NCR1: variants seen among roughly 807,000 people sequenced by gnomAD.
NCR1 encodes the protein NK cell-activating receptor.
NCR1 carries 30 observed loss-of-function variants against 32.5 expected under a neutral mutation model. The ratio of observed to expected loss-of-function variants is 0.92; its 90% CI spans 0.69 to 1.25. The LOEUF is 1.25. Ranked by LOEUF, NCR1 falls within the 50% of genes most tolerant of loss-of-function variation. The probability of loss-of-function intolerance (pLI) is 0.00; values close to 1 mark genes in which losing one functional copy is unlikely to be tolerated. For missense variants in NCR1, 369 were observed against 380.7 expected (o/e 0.97, Z 0.26); for synonymous variants, 169 against 143.4 (o/e 1.18, Z -1.28).
chr19:54,933,852 C>G, the NCR1 span: 1 of 922,082 alleles, frequency 1.1e-6, no homozygotes, highest in Non-Finnish European at 1.8e-6. Flanking sequence ...TGTTCATCCC[C>G]TGCCCTCTGT....
intron 5 of NCR1, among the ~76,000 whole-genome samples, 187 bp downstream of exon 5, chr19:54,910,252 A>G (rs587768679): frequency 6.6e-6 from 1 of 152,228 alleles, no homozygotes; most frequent in Admixed American, 6.5e-5. Flanking sequence ...CCTGGCCAAC[A>G]TGGCGAAACC....
the NCR1 span, chr19:54,927,894 C>T: frequency 1.2e-6 from 1 of 842,282 alleles, no homozygotes; most frequent in Non-Finnish European, 2.0e-6. Context: ...GTGTTCGAGA[C>T]CAGCCTTGCC....
At chr19:54,918,385 T>C (rs2068177332), downstream of NCR1, among the ~76,000 whole-genome samples, 2 of 152,012 alleles carry the variant, frequency 1.3e-5, no homozygotes, top group African/African-American at 4.8e-5. Context: ...TCTCCCACCT[T>C]GGCCTCCCAA....
chr19:54,937,915 A>AAAAG, the NCR1 span: 1 of 771,724 alleles, frequency 1.3e-6, no homozygotes, highest in Non-Finnish European at 2.2e-6. Context: ...AAAAAAAAAA[A>AAAAG]AAAAAAGACA....
the NCR1 span, among the ~76,000 whole-genome samples, chr19:54,926,858 C>T: frequency 2.1e-5 from 3 of 145,852 alleles, no homozygotes; most frequent in African/African-American, 7.7e-5. Context: ...AGAGGTTGCA[C>T]TGAGCCGAGA....
Position 54,912,864 on chromosome 19 carries a change from CT to C in NCR1, c.909del (p.Leu304PhefsTer4), listed in dbSNP as rs2068048052. The C allele has an allele frequency of 6.2e-7, 1 of 1,612,960 alleles. No homozygotes were observed. The highest frequency in any genetic ancestry group is 1.3e-5 in the African/African-American group (1 of 74,848). ...WEGRRRLNTQTL is the reference protein window; with the variant it reads ...WEGRRRLNTQXL ...GGCAGGAGAAGGCTGAACACACAGA[CT>C]CTTTGAAGAATGACCATGAGACACA... On this transcript the variant is annotated frameshift_variant, in exon 7 of 7. Transcript: ENST00000291890. LOFTEE classifies it high-confidence loss of function.
At chr19:54,911,945 T>C (rs999976988) in intron 5 of NCR1, among the ~76,000 whole-genome samples, 35 of 150,794 alleles carry the variant, frequency 2.3e-4, no homozygotes, top group Admixed American at 1.3e-3. Flanking sequence ...AAGACATGAC[T>C]GGTGCAAAGA....
At chr19:54,930,710 T>G in the NCR1 span, 1 of 1,551,154 alleles carries the variant, frequency 6.4e-7, no homozygotes, top group South Asian at 1.1e-5. Flanking sequence ...TCCCTCTGGC[T>G]AACGCCCTGT....
At chr19:54,923,418 C>G in the NCR1 span, 2 of 423,248 alleles carry the variant, frequency 4.7e-6, no homozygotes, top group Non-Finnish European at 8.8e-6. Flanking sequence ...CCGAATCATC[C>G]CTGAACTTCT....
intron 4 of NCR1, 132 bp downstream of exon 4, chr19:54,909,655 G>A: frequency 9.1e-7 from 1 of 1,102,604 alleles, no homozygotes; most frequent in South Asian, 1.6e-5. Context: ...GTCATGTGAG[G>A]AAGAACACCA....
chr19:54,903,393 T>C (rs145066624), upstream of NCR1, among the ~76,000 whole-genome samples: 28 of 130,970 alleles, frequency 2.1e-4, 1 homozygote, highest in South Asian at 4.6e-4. Flanking sequence ...TATATACATA[T>C]ATGTATATGT....
chr19:54,911,079 G>A (rs1014366549), intron 5 of NCR1, among the ~76,000 whole-genome samples: 4 of 152,134 alleles, frequency 2.6e-5, no homozygotes, highest in African/African-American at 9.7e-5. Context: ...CGGCGCGGTG[G>A]CTCACGCCTG....
At chr19:54,916,580 G>A (rs1363627703), downstream of NCR1, among the ~76,000 whole-genome samples, 2 of 151,460 alleles carry the variant, frequency 1.3e-5, no homozygotes, top group Admixed American at 1.3e-4. Context: ...AAAGTGCTGG[G>A]ATTACAGACG....
the NCR1 span, among the ~76,000 whole-genome samples, chr19:54,899,264 C>T: frequency 6.6e-6 from 1 of 152,088 alleles, no homozygotes; most frequent in African/African-American, 2.4e-5. Flanking sequence ...GTATTGGGGT[C>T]AAGCAGCATT....
At chr19:54,931,685 CAAA>C in the NCR1 span, among the ~76,000 whole-genome samples, 34 of 129,768 alleles carry the variant, frequency 2.6e-4, no homozygotes, top group East Asian at 6.6e-4. Flanking sequence ...AACTCCATCT[CAAA>C]AAAAAAAAAA....
chr19:54,935,284 C>G, the NCR1 span, among the ~76,000 whole-genome samples: 255 of 152,090 alleles, frequency 1.7e-3, no homozygotes, highest in Admixed American at 2.7e-3. Context: ...GGCTGGAGTG[C>G]AGTGGCATGA....
the NCR1 span, chr19:54,936,226 C>T: frequency 2.5e-6 from 4 of 1,594,346 alleles, no homozygotes; most frequent in Non-Finnish European, 3.4e-6. Context: ...CAGTGGACTC[C>T]AGGTGCTGGG....
At chr19:54,902,057 A>C (rs926927771), upstream of NCR1, among the ~76,000 whole-genome samples, 16 of 152,338 alleles carry the variant, frequency 1.1e-4, no homozygotes, top group East Asian at 3.9e-4. Flanking sequence ...ACAAGTGGTG[A>C]AATTTGAATA....
chr19:54,923,232 C>T, the NCR1 span, among the ~76,000 whole-genome samples: 2 of 152,144 alleles, frequency 1.3e-5, no homozygotes, highest in South Asian at 2.1e-4. Context: ...GATGAGAGAC[C>T]GCGGGGCCCA....
Sources: gnomAD v4.1 joint callset for allele counts (sites outside exome capture counted in the v4.1 genomes callset) on GRCh38, gnomAD v4.1.1 for gene constraint, MANE v1.5 for transcripts, NCBI Gene and HGNC (gene_info 2026-07-23, HGNC 2026-07-21) for gene names.